The following DENND5B variants were observed in gnomAD, a reference collection of about 807,000 sequenced individuals.
DENND5B encodes the protein DENN domain containing 5B.
Under a neutral mutation model 140.6 loss-of-function variants are expected in DENND5B, and 34 were observed. The ratio of observed to expected loss-of-function variants is 0.24; its 90% CI spans 0.18 to 0.32. The LOEUF (loss-of-function observed/expected upper bound fraction) is 0.32, where lower values mean the gene tolerates loss of function less well. Ranked by LOEUF, DENND5B falls within the 10% of genes least tolerant of loss-of-function variation. The probability of loss-of-function intolerance (pLI) is 1.00; values close to 1 mark genes in which losing one functional copy is unlikely to be tolerated. For synonymous variants in DENND5B, 551 were observed against 562.1 expected (o/e 0.98, Z 0.28); for missense variants, 1,142 against 1,560.2 (o/e 0.73, Z 4.52).
chr12:31,495,905 G>A lies in DENND5B; in HGVS notation c.142C>T (p.Gln48Ter). 1 of 1,608,432 alleles carries A rather than the reference G, an allele frequency of 6.2e-7. No individual in the cohort carries two copies. Among genetic ancestry groups the A allele is most frequent in the South Asian group, 1.1e-5 (1 of 89,776 alleles). Residue 48 changes from glutamine (Q) to a stop codon, truncating the protein, a stop_gained, in exon 2 of 21, where the codon CAG (glutamine) becomes TAG (stop). Transcript: ENST00000389082. LOFTEE classifies it high-confidence loss of function. ...TTGAATGTTCTTCTCAAAGGACTCTGGTCAAAATTTTCGCCTACAACAAAT... is the reference window on the plus strand; with the variant it reads ...TTGAATGTTCTTCTCAAAGGACTCTAGTCAAAATTTTCGCCTACAACAAAT... ...PDELAGENFDQSPLRRTFKSK... is the reference protein window; with the variant it reads ...PDELAGENFD
chr12:31,431,046 GGAGA>G (rs143601051), intron 8 of DENND5B, among the ~76,000 whole-genome samples: 2 of 152,334 alleles, frequency 1.3e-5, no homozygotes, highest in African/African-American at 2.4e-5. Flanking sequence ...GAAAAATATA[GGAGA>G]GAGACTTTTC....
Position 31,423,596 on chromosome 12 carries a change from C to A in DENND5B, c.2470+1G>T. The A allele has an allele frequency of 6.2e-7, 1 of 1,613,806 alleles. No homozygotes were observed. The highest frequency in any genetic ancestry group is 8.5e-7 in the Non-Finnish European group (1 of 1,179,798). The stretch of plus-strand genomic sequence containing the variant: ...CTAGTTCTTTACCAATGATGTCATA[C>A]CTGGTGATTCTGCAAGGTGCTCTTG... On this transcript the variant is annotated splice_donor_variant, in intron 11 of 20. Coordinates refer to ENST00000389082, the MANE Select transcript of DENND5B (RefSeq NM_144973.4). LOFTEE classifies it high-confidence loss of function.
At position 31,405,909 on chromosome 12, in the gene DENND5B, G is replaced by A. The variant is rs142239062; in HGVS notation, c.2804-3266C>T. On this transcript the variant is annotated intron_variant, in intron 14 of 20. Transcript: ENST00000389082. ...TGCCCAGGCTCGAGTGCAGTGGGGCGATTTCAGCTCACTGCAACCTCCGCC... is the reference window on the plus strand; with the variant it reads ...TGCCCAGGCTCGAGTGCAGTGGGGCAATTTCAGCTCACTGCAACCTCCGCC... Among the ~76,000 whole-genome samples the A allele has an allele frequency of 1.8e-4, 27 of 149,132 alleles. No individual in the cohort carries two copies. The East Asian group carries it at 5.2e-3, about 29-fold the overall frequency.
intron 3 of DENND5B, among the ~76,000 whole-genome samples, chr12:31,471,388 C>T (rs1484021069): frequency 6.6e-6 from 1 of 151,840 alleles, no homozygotes; most frequent in Non-Finnish European, 1.5e-5. Context: ...GATCTCAGCT[C>T]ACTGCAACCT....
At chr12:31,432,961 T>G in intron 8 of DENND5B, 194 bp downstream of exon 8, 2 of 526,538 alleles carry the variant, frequency 3.8e-6, no homozygotes, top group Non-Finnish European at 6.6e-6. Flanking sequence ...ATTATAGATG[T>G]CTTGAAATTA....
At chr12:31,483,422 A>T (rs188794549) in intron 2 of DENND5B, among the ~76,000 whole-genome samples, 1 of 152,132 alleles carries the variant, frequency 6.6e-6, no homozygotes, top group African/African-American at 2.4e-5. Flanking sequence ...TTTTTAAATA[A>T]ATGTGGTTAT....
intron 1 of DENND5B, among the ~76,000 whole-genome samples, chr12:31,525,722 T>C (rs1010437849): frequency 6.6e-6 from 1 of 152,176 alleles, no homozygotes; most frequent in Non-Finnish European, 1.5e-5. Context: ...TCAGGCACGG[T>C]GGCTCACACT....
chr12:31,427,520 C>T (rs562402826), intron 8 of DENND5B, among the ~76,000 whole-genome samples: 9 of 151,486 alleles, frequency 5.9e-5, no homozygotes, highest in East Asian at 1.9e-4. Context: ...GCAGAAGAAT[C>T]GCTTGAACCT....
intron 15 of DENND5B, among the ~76,000 whole-genome samples, chr12:31,402,070 C>A (rs1335012316): frequency 1.9e-3 from 222 of 119,664 alleles, no homozygotes; most frequent in African/African-American, 3.4e-3. Context: ...GATTCCGTCT[C>A]AAAAAAAAAA....
At chr12:31,412,839 G>A (rs1942537288) in intron 13 of DENND5B, among the ~76,000 whole-genome samples, 1 of 152,056 alleles carries the variant, frequency 6.6e-6, no homozygotes, top group Non-Finnish European at 1.5e-5. Context: ...ATAATATAAG[G>A]TTTATATAAA....
At position 31,479,592 on chromosome 12, in the gene DENND5B, G is replaced by T. The variant is rs1279737025; in HGVS notation, c.901C>A (p.Gln301Lys). 1 of 1,486,568 alleles carries T rather than the reference G, an allele frequency of 6.7e-7. No homozygotes were observed. The highest frequency in any genetic ancestry group is 2.3e-5 in the East Asian group (1 of 42,994). 92.1% of individuals were successfully genotyped at this position (1,486,568 alleles called of 1,614,324 possible). ...LLEMQILLYSQDYQRLMTVAE... is the reference protein window; with the variant it reads ...LLEMQILLYSKDYQRLMTVAE... ...GTAAAATCCAAGGAAAACCTACCTT[G>T]TGAGTAGAGAAGGATTTGCATCTCT... The change falls in exon 3 of 21, where the codon CAA becomes AAA. Residue 301 changes from glutamine to lysine, a missense_variant. Transcript: ENST00000389082.
At chr12:31,402,396 CTCT>C in intron 15 of DENND5B, 99 bp downstream of exon 15, 1 of 1,397,128 alleles carries the variant, frequency 7.2e-7, no homozygotes, top group South Asian at 1.6e-5. Context: ...TTGAGTGTTC[CTCT>C]ATTTTATTTG....
chr12:31,483,919 C>T (rs1222122565), intron 2 of DENND5B, among the ~76,000 whole-genome samples: 2 of 144,272 alleles, frequency 1.4e-5, no homozygotes. Context: ...GGCTGGAGTG[C>T]GGTGGCGCAA....
intron 2 of DENND5B, among the ~76,000 whole-genome samples, chr12:31,482,512 A>G (rs1946105804): frequency 6.6e-6 from 1 of 151,960 alleles, no homozygotes; most frequent in African/African-American, 2.4e-5. Flanking sequence ...CCATTATCCA[A>G]TCCATCAGCA....
chr12:31,450,345 T>C lies in DENND5B; in HGVS notation c.1629+1595A>G, dbSNP rs145455350. Among the ~76,000 whole-genome samples the C allele has an allele frequency of 3.8e-3, 510 of 135,302 alleles. 5 individuals carry two copies. The highest frequency in any genetic ancestry group is 0.013 in the African/African-American group (478 of 37,424). 88.8% of individuals were successfully genotyped at this position (135,302 alleles called of 152,430 possible). A position where few individuals can be genotyped will look rare whatever the true frequency, so the allele number is the denominator to read the frequency against. On this transcript the variant is annotated intron_variant, in intron 5 of 20. Transcript: ENST00000389082. ...ATCATCCTCCAACAGAAAAAATATC[T>C]GATGAAGTAAAAAAATTATCTTTTG... is the stretch of plus-strand genomic sequence containing the variant.
At position 31,387,737 on chromosome 12, in the gene DENND5B, T is replaced by C; in HGVS notation, c.3691A>G (p.Ile1231Val). The C allele has an allele frequency of 2.5e-6, 4 of 1,614,010 alleles. No individual in the cohort carries two copies. Among genetic ancestry groups the C allele is most frequent in the Non-Finnish European group, 2.5e-6 (3 of 1,179,878 alleles). The part of the protein sequence containing the change: ...WIPLLAECPA[I>V]TRMYEESALL... Reference sequence around the variant, plus strand: ...GCGCTCTCTTCATACATTCGAGTGATGGCAGGACACTCAGCTAACAATGGA... The same window carrying C: ...GCGCTCTCTTCATACATTCGAGTGACGGCAGGACACTCAGCTAACAATGGA... The change falls in exon 21 of 21, where the codon ATC becomes GTC. Residue 1231 changes from isoleucine (I) to valine (V), a missense_variant. Around this residue, in one of 5 missense-constraint regions of DENND5B, gnomAD observed 125 missense variants for 179.0 expected, o/e 0.70. Transcript: ENST00000389082.
At chr12:31,461,644 C>T (rs1945025467) in intron 3 of DENND5B, among the ~76,000 whole-genome samples, 1 of 152,094 alleles carries the variant, frequency 6.6e-6, no homozygotes, top group Non-Finnish European at 1.5e-5. Context: ...CCATATATGT[C>T]CCAGTAGGAC....
chr12:31,535,928 C>T (rs190134581), intron 1 of DENND5B, among the ~76,000 whole-genome samples: 265 of 152,174 alleles, frequency 1.7e-3, no homozygotes, highest in African/African-American at 6.1e-3. Context: ...TGGTGGGAGG[C>T]GACTGGATCA....
intron 1 of DENND5B, among the ~76,000 whole-genome samples, chr12:31,571,166 C>G (rs1355338821): frequency 3.3e-5 from 5 of 150,978 alleles, no homozygotes; most frequent in African/African-American, 1.2e-4. Flanking sequence ...TGAAACATCA[C>G]TCTTTCTTAG....
Sources: allele counts gnomAD v4.1 joint callset (sites outside exome capture counted in the v4.1 genomes callset), GRCh38; gene constraint gnomAD v4.1.1; regional missense constraint gnomAD v4.1.1; transcripts MANE v1.5; gene names NCBI Gene and HGNC (gene_info 2026-07-23, HGNC 2026-07-21).